The following IGSF11 variants were observed in gnomAD, a reference collection of about 807,000 sequenced individuals.
IGSF11 encodes the protein immunoglobulin superfamily member 11.
IGSF11 carries 22 observed loss-of-function variants against 41.0 expected under a neutral mutation model. The ratio of observed to expected loss-of-function variants is 0.54; its 90% CI spans 0.38 to 0.77. The LOEUF is 0.77. IGSF11 is among the 30% of genes least tolerant of loss of function. IGSF11 has a pLI of 0.00. For synonymous variants in IGSF11, 219 were observed against 201.3 expected (o/e 1.09, Z -0.74); for missense variants, 444 against 530.8 (o/e 0.84, Z 1.61).
At chr3:119,046,762 C>G (rs2107421597) in intron 1 of IGSF11, among the ~76,000 whole-genome samples, 1 of 152,126 alleles carries the variant, frequency 6.6e-6, no homozygotes, top group Admixed American at 6.5e-5. Context: ...TCTGGTTACC[C>G]TCAAAGGGAA....
intron 1 of IGSF11, among the ~76,000 whole-genome samples, chr3:119,011,756 C>G (rs1177213955): frequency 6.6e-6 from 1 of 152,160 alleles, no homozygotes; most frequent in Non-Finnish European, 1.5e-5. Context: ...TGAGTCTAAC[C>G]ATGTTAAATG....
At chr3:119,012,126 A>G (rs1171058434) in intron 1 of IGSF11, among the ~76,000 whole-genome samples, 1 of 152,210 alleles carries the variant, frequency 6.6e-6, no homozygotes, top group African/African-American at 2.4e-5. Context: ...CAGGAAGCAT[A>G]AGATAGAAAA....
intron 1 of IGSF11, chr3:119,112,831 T>C (rs555939804): frequency 6.6e-6 from 1 of 152,374 alleles, no homozygotes; most frequent in Admixed American, 6.5e-5. Context: ...TATAAAGAAC[T>C]ACCTGAGTCT....
At chr3:119,113,900 C>T (rs906809968) in intron 1 of IGSF11, among the ~76,000 whole-genome samples, 2 of 152,254 alleles carry the variant, frequency 1.3e-5, no homozygotes, top group African/African-American at 4.8e-5. Context: ...CAAGCCTCAA[C>T]TCTTAGCCTC....
chr3:119,123,684 T>C (rs1038441732), intron 1 of IGSF11, among the ~76,000 whole-genome samples: 21 of 152,096 alleles, frequency 1.4e-4, no homozygotes, highest in African/African-American at 5.1e-4. Context: ...GACTGTTTAT[T>C]TCAGAGAAAG....
intron 1 of IGSF11, among the ~76,000 whole-genome samples, chr3:118,972,369 T>C (rs1933544041): frequency 6.6e-6 from 1 of 152,224 alleles, no homozygotes; most frequent in Admixed American, 6.5e-5. Flanking sequence ...ACTTTTTCTA[T>C]TTTGCAATGT....
Position 119,121,310 on chromosome 3 carries a change from G to A in IGSF11, c.-13-16105C>T, listed in dbSNP as rs142635124. On this transcript the variant is annotated intron_variant, in intron 1 of 7. Coordinates refer to the IGSF11 transcript ENST00000425327. ...GAGGTAAAGGAACCATGAGTAAAGAGCTAAAGGAAGCCAGGAGACTGTCTC... is the reference window on the plus strand; with the variant it reads ...GAGGTAAAGGAACCATGAGTAAAGAACTAAAGGAAGCCAGGAGACTGTCTC... Among the ~76,000 whole-genome samples, 5 of 152,256 alleles carry A rather than the reference G, an allele frequency of 3.3e-5. No homozygotes were observed. In the East Asian group the frequency reaches 9.6e-4, roughly 29 times the overall value.
At chr3:118,997,200 G>A (rs942733380) in intron 1 of IGSF11, among the ~76,000 whole-genome samples, 3 of 152,218 alleles carry the variant, frequency 2.0e-5, no homozygotes, top group Admixed American at 1.3e-4. Context: ...AACAGTAGTA[G>A]AAGCCTGAAT....
At chr3:118,990,505 G>A (rs914654367) in intron 1 of IGSF11, among the ~76,000 whole-genome samples, 3 of 152,174 alleles carry the variant, frequency 2.0e-5, no homozygotes, top group Non-Finnish European at 1.5e-5. Flanking sequence ...AGTTAACTGA[G>A]AGATAGGAGA....
At chr3:119,070,793 GAAT>G (rs1351507309) in intron 1 of IGSF11, among the ~76,000 whole-genome samples, 1 of 152,180 alleles carries the variant, frequency 6.6e-6, no homozygotes, top group East Asian at 1.9e-4. Flanking sequence ...CTATACTGGA[GAAT>G]GGGTTCAAAT....
intron 1 of IGSF11, among the ~76,000 whole-genome samples, chr3:119,125,361 C>A (rs924818674): frequency 6.6e-6 from 1 of 152,020 alleles, no homozygotes; most frequent in African/African-American, 2.4e-5. Context: ...TGGGCTGAGT[C>A]CGAGAAAGGG....
chr3:118,926,406 G>T, intron 3 of IGSF11, 150 bp from the exon 4 acceptor site: 1 of 605,368 alleles, frequency 1.7e-6, no homozygotes, highest in East Asian at 3.1e-5. Context: ...TGAACCCAGG[G>T]GAGGCATGTA....
chr3:118,990,067 C>T (rs1189083313), intron 1 of IGSF11, among the ~76,000 whole-genome samples: 1 of 152,084 alleles, frequency 6.6e-6, no homozygotes, highest in African/African-American at 2.4e-5. Flanking sequence ...AGTAAAAGTG[C>T]AGAAAGTTAG....
intron 1 of IGSF11, among the ~76,000 whole-genome samples, chr3:119,028,006 G>A (rs1939988173): frequency 6.6e-6 from 1 of 152,116 alleles, no homozygotes; most frequent in East Asian, 1.9e-4. Context: ...TCTGGCTAAT[G>A]ATCTTGACCC....
chr3:119,052,853 A>G (rs748539395), intron 1 of IGSF11, among the ~76,000 whole-genome samples: 1 of 152,202 alleles, frequency 6.6e-6, no homozygotes, highest in Admixed American at 6.5e-5. Context: ...ACTCAAGTCA[A>G]TAAATATGAT....
intron 1 of IGSF11, among the ~76,000 whole-genome samples, chr3:119,012,172 A>T (rs1488331355): frequency 6.6e-6 from 1 of 152,196 alleles, no homozygotes; most frequent in Non-Finnish European, 1.5e-5. Context: ...TATCCCAAAA[A>T]ATACCCTTAA....
At chr3:118,962,330 T>C (rs926062734) in intron 1 of IGSF11, among the ~76,000 whole-genome samples, 2 of 152,218 alleles carry the variant, frequency 1.3e-5, no homozygotes, top group Admixed American at 6.5e-5. Context: ...TTTTGTACTA[T>C]AATACTTTGT....
intron 1 of IGSF11, among the ~76,000 whole-genome samples, chr3:119,078,406 A>G (rs1276499075): frequency 1.3e-5 from 2 of 152,208 alleles, no homozygotes; most frequent in Non-Finnish European, 2.9e-5. Context: ...GAACCCATAA[A>G]TAAAGCCACA....
intron 1 of IGSF11, among the ~76,000 whole-genome samples, chr3:119,080,454 C>G (rs959430152): frequency 6.6e-6 from 1 of 152,164 alleles, no homozygotes; most frequent in African/African-American, 2.4e-5. Context: ...TAAAGACTAT[C>G]CATACAATTT....
Sources: allele counts gnomAD v4.1 joint callset (sites outside exome capture counted in the v4.1 genomes callset), GRCh38; gene constraint gnomAD v4.1.1; transcripts MANE v1.5; gene names NCBI Gene and HGNC (gene_info 2026-07-23, HGNC 2026-07-21).